COLEC10: variants seen among roughly 807,000 people sequenced by gnomAD.
COLEC10 encodes collectin subfamily member 10.
A neutral mutation model predicts 28.4 loss-of-function variants in COLEC10; 22 were observed. That is an observed-to-expected ratio of 0.78 (90% CI 0.55 to 1.11). The LOEUF (loss-of-function observed/expected upper bound fraction) is 1.11, where lower values mean the gene tolerates loss of function less well. Ranked by LOEUF, COLEC10 falls within the 50% of genes least tolerant of loss-of-function variation. The pLI is 0.00. For missense variants in COLEC10, 361 were observed against 344.1 expected (o/e 1.05, Z -0.39); for synonymous variants, 125 against 116.1 (o/e 1.08, Z -0.49).
At chr8:119,028,829 A>G (rs1295332652) in intron 2 of COLEC10, among the ~76,000 whole-genome samples, 1 of 152,202 alleles carries the variant, frequency 6.6e-6, no homozygotes, top group African/African-American at 2.4e-5. Flanking sequence ...CAAGAATAAA[A>G]ATCACTATGG....
At chr8:119,047,755 C>T (rs1814610015) in intron 2 of COLEC10, among the ~76,000 whole-genome samples, 1 of 144,768 alleles carries the variant, frequency 6.9e-6, no homozygotes, top group South Asian at 2.2e-4. Context: ...AAAAAAAAAC[C>T]TGAGAGAATT....
At chr8:119,093,378 G>C (rs572154620) in intron 3 of COLEC10, among the ~76,000 whole-genome samples, 1 of 152,288 alleles carries the variant, frequency 6.6e-6, no homozygotes, top group South Asian at 2.1e-4. Context: ...AAGAGAAATT[G>C]CTATGGGTGT....
intron 1 of COLEC10, among the ~76,000 whole-genome samples, chr8:119,005,546 C>T (rs566179170): frequency 2.0e-5 from 3 of 152,166 alleles, no homozygotes; most frequent in Admixed American, 2.0e-4. Flanking sequence ...AATCCTGGAC[C>T]AATAGTTCAG....
chr8:118,960,303 A>G, the COLEC10 span, among the ~76,000 whole-genome samples: 1 of 152,216 alleles, frequency 6.6e-6, no homozygotes, highest in Non-Finnish European at 1.5e-5. Context: ...TTTGAATTCC[A>G]GGTGCTATTG....
At chr8:118,975,941 A>G in the COLEC10 span, among the ~76,000 whole-genome samples, 1 of 152,080 alleles carries the variant, frequency 6.6e-6, no homozygotes, top group African/African-American at 2.4e-5. Context: ...TATAAGGTAG[A>G]TAAAGTAGCT....
At chr8:119,056,055 T>C (rs1366496183) in intron 2 of COLEC10, among the ~76,000 whole-genome samples, 3 of 152,048 alleles carry the variant, frequency 2.0e-5, no homozygotes, top group Non-Finnish European at 4.4e-5. Context: ...TGACACCGCA[T>C]CCAATTGTTT....
Position 119,105,843 on chromosome 8 carries a change from C to T in COLEC10, c.486C>T (p.Ile162=), listed in dbSNP as rs1815926766. Residue 162 remains isoleucine (I), a synonymous_variant, in exon 6 of 6, where the codon ATC becomes ATT. Coordinates refer to ENST00000332843, the MANE Select transcript of COLEC10 (RefSeq NM_006438.5). The part of the protein sequence containing the change: ...IRETEEKFYY[I]VQEEKNYRES... The stretch of plus-strand genomic sequence containing the variant: ...AAACTGAAGAGAAATTCTACTACAT[C>T]GTGCAGGAAGAGAAGAACTACAGGG... 2 of 1,613,542 alleles carry T rather than the reference C, an allele frequency of 1.2e-6. No homozygotes were observed. Among genetic ancestry groups the T allele is most frequent in the African/African-American group, 1.3e-5 (1 of 75,004 alleles).
chr8:119,002,094 T>G (rs999575989), intron 1 of COLEC10, among the ~76,000 whole-genome samples: 1 of 152,216 alleles, frequency 6.6e-6, no homozygotes, highest in African/African-American at 2.4e-5. Context: ...CTAGTTAGTT[T>G]ACAGTCCTAC....
the COLEC10 span, among the ~76,000 whole-genome samples, chr8:118,966,924 T>C: frequency 2.0e-5 from 3 of 152,152 alleles, no homozygotes; most frequent in Non-Finnish European, 4.4e-5. Flanking sequence ...ATTTCTATTG[T>C]AAATCAGTCT....
chr8:118,992,170 C>A (rs934357437), upstream of COLEC10, among the ~76,000 whole-genome samples: 1 of 152,040 alleles, frequency 6.6e-6, no homozygotes, highest in African/African-American at 2.4e-5. Context: ...AGGTCTATAT[C>A]GGAATCACAG....
intron 1 of COLEC10, among the ~76,000 whole-genome samples, chr8:119,008,290 G>T (rs1003553316): frequency 2.7e-5 from 4 of 150,788 alleles, no homozygotes; most frequent in Non-Finnish European, 4.4e-5. Flanking sequence ...TGGGAACTTA[G>T]ATGATGGTGA....
rs78544719 is a variant in COLEC10 at position 119,050,069 on chromosome 8, C to T, written n.236-39611C>T. Among the ~76,000 whole-genome samples the T allele has an allele frequency of 8.1e-3, 1,226 of 152,248 alleles. 10 individuals carry two copies. The highest frequency in any genetic ancestry group is 0.028 in the African/African-American group (1,154 of 41,536). On this transcript the variant is annotated intron_variant and non_coding_transcript_variant, in intron 2 of 6. Coordinates refer to the COLEC10 transcript ENST00000521788. Reference sequence around the variant, plus strand: ...CACCTAACTTCAAAGCAACTCTTTCCTGGTAATAATAGTCCCTACTTGGCT... The same window carrying T: ...CACCTAACTTCAAAGCAACTCTTTCTTGGTAATAATAGTCCCTACTTGGCT...
upstream of COLEC10, among the ~76,000 whole-genome samples, chr8:119,063,537 CCTTTGGGT>C (rs1267400015): frequency 5.3e-5 from 8 of 152,054 alleles, no homozygotes. Flanking sequence ...CTGTCTCCCT[CCTTTGGGT>C]GTCTCTTCTA....
At chr8:118,992,044 A>G (rs1276620208), upstream of COLEC10, among the ~76,000 whole-genome samples, 1 of 152,134 alleles carries the variant, frequency 6.6e-6, no homozygotes, top group African/African-American at 2.4e-5. Context: ...TCTGCTACTT[A>G]CATAAGAGTG....
rs1814845645 is a variant in COLEC10, at chr8:119,060,985, A to G, written n.236-28695A>G. Reference sequence around the variant, plus strand: ...GAACAAAAGAGATTCTTAAAAAACTATAATGGATAGATTTAGAGAGCTAAT... The same window carrying G: ...GAACAAAAGAGATTCTTAAAAAACTGTAATGGATAGATTTAGAGAGCTAAT... On this transcript the variant is annotated intron_variant and non_coding_transcript_variant, in intron 2 of 6. Coordinates refer to the COLEC10 transcript ENST00000521788. Among the ~76,000 whole-genome samples, 3 of 152,146 alleles carry G rather than the reference A, an allele frequency of 2.0e-5. No individual in the cohort carries two copies. The South Asian group carries it at 6.2e-4, about 32-fold the overall frequency.
intron 1 of COLEC10, among the ~76,000 whole-genome samples, chr8:119,077,457 G>A (rs542589863): frequency 6.6e-6 from 1 of 152,164 alleles, no homozygotes; most frequent in South Asian, 2.1e-4. Context: ...TCTGCCCACA[G>A]GGCTTTATTA....
the COLEC10 span, among the ~76,000 whole-genome samples, chr8:118,977,318 T>C: frequency 6.7e-6 from 1 of 148,914 alleles, no homozygotes; most frequent in Non-Finnish European, 1.5e-5. Flanking sequence ...TATTGCGGCA[T>C]TATTCACAGT....
At chr8:119,020,993 T>G (rs1015209287) in intron 2 of COLEC10, among the ~76,000 whole-genome samples, 1 of 152,132 alleles carries the variant, frequency 6.6e-6, no homozygotes, top group Non-Finnish European at 1.5e-5. Flanking sequence ...TATCAGTCAT[T>G]TCAACATTAT....
chr8:119,015,590 C>G (rs1482296685), intron 2 of COLEC10, among the ~76,000 whole-genome samples: 30 of 152,130 alleles, frequency 2.0e-4, no homozygotes, highest in Admixed American at 2.0e-3. Context: ...TAACTGGGTC[C>G]TGTTGGAGTT....
Sources: gnomAD v4.1 joint callset for allele counts (sites outside exome capture counted in the v4.1 genomes callset) on GRCh38, gnomAD v4.1.1 for gene constraint, MANE v1.5 for transcripts, NCBI Gene and HGNC (gene_info 2026-07-23, HGNC 2026-07-21) for gene names.